PCDHGA7: variants seen among roughly 807,000 people sequenced by gnomAD.
PCDHGA7 encodes the protein protocadherin gamma-A7.
A neutral mutation model predicts 58.3 loss-of-function variants in PCDHGA7; 44 were observed. That is an observed-to-expected ratio of 0.75 (90% CI 0.59 to 0.97). The LOEUF (loss-of-function observed/expected upper bound fraction) is 0.97, where lower values mean the gene tolerates loss of function less well. Among genes scored for constraint, PCDHGA7 ranks in the 50% least tolerant of loss-of-function variants. The pLI, the probability that PCDHGA7 is intolerant of heterozygous loss-of-function variation, is 0.00. For missense variants in PCDHGA7, 1,266 were observed against 1,188.7 expected, an observed-to-expected ratio of 1.06 and a Z score of -0.96; for synonymous variants, 516 against 504.2, an observed-to-expected ratio of 1.02 and a Z score of -0.31.
chr5:141,417,905 G>A (rs1462731893), intron 1 of PCDHGA7: 1 of 1,593,646 alleles, frequency 6.3e-7, no homozygotes, highest in Admixed American at 1.8e-5. Flanking sequence ...CCCGCGGCAG[G>A]TACTATTTCC....
At chr5:141,482,606 T>G (rs2099569173) in intron 1 of PCDHGA7, among the ~76,000 whole-genome samples, 1 of 146,712 alleles carries the variant, frequency 6.8e-6, no homozygotes, top group African/African-American at 2.6e-5. Context: ...AAAAAACACC[T>G]AAATGAGCCT....
At chr5:141,409,168 G>T in intron 1 of PCDHGA7, 1 of 1,614,032 alleles carries the variant, frequency 6.2e-7, no homozygotes, top group Non-Finnish European at 8.5e-7. Flanking sequence ...TGGAAGCGAA[G>T]GACGGAGGTG....
intron 1 of PCDHGA7, chr5:141,392,843 C>T (rs77141792): frequency 0.027 from 43,247 of 1,608,962 alleles, 854 homozygotes; most frequent in African/African-American, 0.093. Context: ...GCCCCAGACG[C>T]GGCGAGCTGA....
At chr5:141,454,721 A>G (rs2098797156) in intron 1 of PCDHGA7, among the ~76,000 whole-genome samples, 1 of 146,810 alleles carries the variant, frequency 6.8e-6, no homozygotes, top group South Asian at 2.2e-4. Flanking sequence ...ATTCCATATT[A>G]TATGTTATAG....
chr5:141,400,337 C>G (rs752660585), intron 1 of PCDHGA7: 7 of 1,614,080 alleles, frequency 4.3e-6, no homozygotes, highest in African/African-American at 2.7e-5. Flanking sequence ...GTGGTTCCCC[C>G]CAACTACAGT....
rs150714552 is a variant in PCDHGA7, at chr5:141,473,285, G to A, written c.2425-21522G>A. On this transcript the variant is annotated intron_variant, in intron 1 of 3. Transcript: ENST00000518325. ...GTGTATGCTATGATTATTTTACTATGTCAGTAGCATAAAGATTGCTATATT... is the reference window on the plus strand; with the variant it reads ...GTGTATGCTATGATTATTTTACTATATCAGTAGCATAAAGATTGCTATATT... 3.9e-3 allele frequency among the ~76,000 whole-genome samples: 590 copies of A among 152,296 alleles called. 6 individuals are homozygous for A. Among genetic ancestry groups the A allele is most frequent in the Admixed American group, 0.011 (170 of 15,296 alleles).
At chr5:141,417,532 T>TA (rs1457524771) in intron 1 of PCDHGA7, 17 of 284,868 alleles carry the variant, frequency 6.0e-5, no homozygotes, top group Non-Finnish European at 8.4e-5. Context: ...ACTCGTAGTT[T>TA]AAAAAAAATT....
intron 3 of PCDHGA7, among the ~76,000 whole-genome samples, chr5:141,507,479 C>T (rs1050741571): frequency 1.3e-5 from 2 of 152,198 alleles, no homozygotes; most frequent in East Asian, 1.9e-4. Flanking sequence ...GACTGCTGGC[C>T]TCCTGAGGCA....
Position 141,503,989 on chromosome 5 carries a change from C to T in PCDHGA7, c.2484-1404C>T, listed in dbSNP as rs534696225. Among the ~76,000 whole-genome samples the T allele has an allele frequency of 2.6e-5, 4 of 152,312 alleles. No individual in the cohort carries two copies. The South Asian group carries it at 8.3e-4, about 32-fold the overall frequency. On this transcript the variant is annotated intron_variant, in intron 2 of 3. Transcript: ENST00000518325. ...CATGGTGCCAAACCCTTCTTCTTAC[C>T]TTACAGTCACTTAACTGTCTCTGCT...
intron 1 of PCDHGA7, among the ~76,000 whole-genome samples, chr5:141,481,863 G>A (rs182704348): frequency 8.8e-4 from 130 of 147,602 alleles, no homozygotes; most frequent in African/African-American, 3.3e-3. Flanking sequence ...GCAGTGAGCC[G>A]AGATCGCGCC....
chr5:141,422,907 G>C (rs1330364637), intron 1 of PCDHGA7: 4 of 1,614,078 alleles, frequency 2.5e-6, no homozygotes, highest in Non-Finnish European at 3.4e-6. Flanking sequence ...ACGACAATGC[G>C]CCCGAGATCC....
At chr5:141,393,842 T>C (rs1010461527) in intron 1 of PCDHGA7, 5 of 1,613,948 alleles carry the variant, frequency 3.1e-6, no homozygotes, top group Non-Finnish European at 4.2e-6. Context: ...TAAATGACAA[T>C]AGACCAGAAG....
intron 1 of PCDHGA7, among the ~76,000 whole-genome samples, chr5:141,425,428 T>C (rs1037803701): frequency 1.3e-5 from 2 of 152,238 alleles, no homozygotes; most frequent in African/African-American, 4.8e-5. Context: ...TCCCATTAAA[T>C]AGAGGATAAA....
rs559316235 is a variant in PCDHGA7, at chr5:141,398,652, C to T, written c.2424+13329C>T. 27 of 1,613,990 alleles carry T rather than the reference C, an allele frequency of 1.7e-5. No homozygotes were observed. The East Asian group carries it at 5.1e-4, about 31-fold the overall frequency. ...TGCAGAAGTATAAACTCTCTCTTAA[C>T]CCAAGTTTCTCATTAATAATTAAGG... On this transcript the variant is annotated intron_variant, in intron 1 of 3. Coordinates refer to ENST00000518325, the MANE Select transcript of PCDHGA7 (RefSeq NM_018920.4).
intron 1 of PCDHGA7, among the ~76,000 whole-genome samples, chr5:141,452,082 T>A (rs924362905): frequency 3.3e-5 from 5 of 152,240 alleles, no homozygotes; most frequent in Non-Finnish European, 7.3e-5. Context: ...GTTGGCATTA[T>A]ACAGTAAGAA....
chr5:141,468,300 G>C (rs2099162063), intron 1 of PCDHGA7, among the ~76,000 whole-genome samples: 1 of 146,430 alleles, frequency 6.8e-6, no homozygotes, highest in Non-Finnish European at 1.5e-5. Flanking sequence ...ACCCCAGCCT[G>C]GGCAACAAGA....
At chr5:141,444,531 CTG>C (rs2098439915) in intron 1 of PCDHGA7, among the ~76,000 whole-genome samples, 1 of 152,100 alleles carries the variant, frequency 6.6e-6, no homozygotes, top group Non-Finnish European at 1.5e-5. Context: ...GAGACAGTGA[CTG>C]TGTCTAGTGA....
At chr5:141,421,705 G>C (rs1249601582) in intron 1 of PCDHGA7, 1 of 1,613,944 alleles carries the variant, frequency 6.2e-7, no homozygotes, top group Non-Finnish European at 8.5e-7. Context: ...TAATGCTAGG[G>C]ATCCAGATGT....
Position 141,383,075 on chromosome 5 carries a change from TG to T in PCDHGA7, c.178del (p.Ala60ArgfsTer18). The T allele has an allele frequency of 1.2e-6, 2 of 1,613,878 alleles. No individual in the cohort carries two copies. Among genetic ancestry groups the T allele is most frequent in the Non-Finnish European group, 1.7e-6 (2 of 1,179,902 alleles). ...GACCTGGGGCTGGAGCCCCGGGAGC[TG>T]GCGGAGCGCGGAGTCCGCATCATCT... ...AKDLGLEPRE[L>X]AERGVRIISR... On this transcript the variant is annotated frameshift_variant, in exon 1 of 4. Transcript: ENST00000518325. LOFTEE classifies it high-confidence loss of function.
Sources: allele counts gnomAD v4.1 joint callset (sites outside exome capture counted in the v4.1 genomes callset), GRCh38; gene constraint gnomAD v4.1.1; transcripts MANE v1.5; gene names NCBI Gene and HGNC (gene_info 2026-07-23, HGNC 2026-07-21).